MTHFD2L: variants seen among roughly 807,000 people sequenced by gnomAD.
MTHFD2L encodes methylenetetrahydrofolate dehydrogenase (NADP+ dependent) 2 like.
In MTHFD2L, 29 loss-of-function variants were observed where a neutral mutation model predicts 34.9. The observed-to-expected ratio is 0.83, with a 90% CI of 0.62 to 1.13. The LOEUF is 1.13. MTHFD2L is among the 50% of genes most tolerant of loss of function. The pLI, the probability that MTHFD2L is intolerant of heterozygous loss-of-function variation, is 0.00. For synonymous variants in MTHFD2L, 167 were observed against 155.7 expected (o/e 1.07, Z -0.54); for missense variants, 481 against 446.5 (o/e 1.08, Z -0.70).
At chr4:74,170,059 G>A (rs1423344665) in intron 1 of MTHFD2L, among the ~76,000 whole-genome samples, 3 of 152,026 alleles carry the variant, frequency 2.0e-5, no homozygotes, top group African/African-American at 7.2e-5. Flanking sequence ...ATTTAAGCGA[G>A]AAAAAAATGC....
intron 6 of MTHFD2L, among the ~76,000 whole-genome samples, chr4:74,263,161 G>C (rs539245929): frequency 6.6e-6 from 1 of 151,708 alleles, no homozygotes; most frequent in African/African-American, 2.4e-5. Flanking sequence ...TTATTTCTAC[G>C]TTCTCTATTC....
intron 6 of MTHFD2L, among the ~76,000 whole-genome samples, chr4:74,239,810 T>A (rs1741438826): frequency 6.6e-6 from 1 of 152,198 alleles, no homozygotes; most frequent in African/African-American, 2.4e-5. Context: ...ATTGCAGTAA[T>A]GTTTTTGTTG....
chr4:74,181,729 T>C (rs1256838659), intron 3 of MTHFD2L: 1 of 152,162 alleles, frequency 6.6e-6, no homozygotes, highest in African/African-American at 2.4e-5. Flanking sequence ...TTCCAGTTTA[T>C]TCAAGGGAAT....
At chr4:74,128,246 T>A (rs1261872203) in intron 1 of MTHFD2L, among the ~76,000 whole-genome samples, 1 of 152,158 alleles carries the variant, frequency 6.6e-6, no homozygotes, top group Non-Finnish European at 1.5e-5. Flanking sequence ...TTTAGCTTTA[T>A]GTAATCTCAA....
chr4:74,272,643 G>T, intron 6 of MTHFD2L, among the ~76,000 whole-genome samples: 1 of 151,996 alleles, frequency 6.6e-6, no homozygotes, highest in Non-Finnish European at 1.5e-5. Context: ...TATCTGTAGG[G>T]GCCTGAATTT....
At chr4:74,155,530 T>C (rs1348999186), upstream of MTHFD2L, among the ~76,000 whole-genome samples, 3 of 152,146 alleles carry the variant, frequency 2.0e-5, 1 homozygote, top group South Asian at 4.1e-4. Flanking sequence ...CTAAATTGTG[T>C]AGTGAGAATT....
upstream of MTHFD2L, among the ~76,000 whole-genome samples, chr4:74,123,609 G>A (rs1721868526): frequency 1.3e-5 from 2 of 152,048 alleles, no homozygotes; most frequent in African/African-American, 4.8e-5. Flanking sequence ...ACCTTTGTGG[G>A]ACTCTTCAGC....
At chr4:74,126,144 T>C (rs2109788515) in intron 1 of MTHFD2L, among the ~76,000 whole-genome samples, 1 of 152,316 alleles carries the variant, frequency 6.6e-6, no homozygotes, top group Admixed American at 6.5e-5. Context: ...AGTCCTCACT[T>C]AACCTCATCA....
chr4:74,289,017 TTTAGTTGTTC>T (rs1748546235), intron 7 of MTHFD2L, among the ~76,000 whole-genome samples: 1 of 152,200 alleles, frequency 6.6e-6, no homozygotes, highest in African/African-American at 2.4e-5. Flanking sequence ...GGTTCATTCA[TTTAGTTGTTC>T]AATGCTATTG....
At chr4:74,189,485 CTTTTTTTTTTTTTT>C (rs55665552) in intron 3 of MTHFD2L, among the ~76,000 whole-genome samples, 2 of 119,824 alleles carry the variant, frequency 1.7e-5, no homozygotes, top group African/African-American at 8.1e-5. Flanking sequence ...GTTTTTCTTC[CTTTTTTTTTTTTTT>C]TTTTTTTTTT....
chr4:74,273,662 A>G lies in MTHFD2L; in HGVS notation c.806-7763A>G, dbSNP rs561697464. On this transcript the variant is annotated intron_variant, in intron 6 of 7. Coordinates refer to ENST00000325278, the MANE Select transcript of MTHFD2L (RefSeq NM_001144978.3). The stretch of plus-strand genomic sequence containing the variant: ...TAAGCCATTTAGAAAGATAATAAAT[A>G]TAAGAATTTGTGTTATGGTACAAAT... 3.3e-5 allele frequency among the ~76,000 whole-genome samples: 5 copies of G among 152,304 alleles called. No individual in the cohort carries two copies. The East Asian group carries it at 9.7e-4, about 29-fold the overall frequency.
At chr4:74,222,771 C>G (rs1357570142) in intron 5 of MTHFD2L, among the ~76,000 whole-genome samples, 1 of 152,030 alleles carries the variant, frequency 6.6e-6, no homozygotes, top group African/African-American at 2.4e-5. Flanking sequence ...TGAATTCTTG[C>G]ATTTTCAAAA....
At chr4:74,137,808 C>G (rs1723035715) in intron 1 of MTHFD2L, among the ~76,000 whole-genome samples, 1 of 152,010 alleles carries the variant, frequency 6.6e-6, no homozygotes, top group African/African-American at 2.4e-5. Context: ...TGTTCAGCAA[C>G]ATGGATGGAA....
At chr4:74,265,940 C>A (rs1252251151) in intron 6 of MTHFD2L, among the ~76,000 whole-genome samples, 3 of 152,120 alleles carry the variant, frequency 2.0e-5, no homozygotes, top group Non-Finnish European at 4.4e-5. Context: ...AAACAAAGCA[C>A]CATTTAATTT....
intron 5 of MTHFD2L, among the ~76,000 whole-genome samples, chr4:74,211,442 C>G (rs1736306303): frequency 6.6e-6 from 1 of 152,118 alleles, no homozygotes; most frequent in Non-Finnish European, 1.5e-5. Flanking sequence ...TTGAGATAAT[C>G]ATGTGGTTTT....
chr4:74,225,243 G>A (rs1256256086), intron 5 of MTHFD2L, 59 bp from the exon 6 acceptor site: 10 of 1,262,564 alleles, frequency 7.9e-6, no homozygotes, highest in South Asian at 1.3e-5. Flanking sequence ...TGGATTTAGA[G>A]CATTTATAAA....
At chr4:74,120,414 T>C (rs1721734095), upstream of MTHFD2L, among the ~76,000 whole-genome samples, 1 of 152,218 alleles carries the variant, frequency 6.6e-6, no homozygotes, top group Non-Finnish European at 1.5e-5. Flanking sequence ...TGTTGCCAAC[T>C]AATACCATAG....
intron 3 of MTHFD2L, among the ~76,000 whole-genome samples, chr4:74,185,703 A>G (rs1196228494): frequency 6.6e-6 from 1 of 152,198 alleles, no homozygotes; most frequent in East Asian, 1.9e-4. Context: ...CTTGAAAGAT[A>G]TACATTACCA....
At chr4:74,154,870 T>C (rs886742375), upstream of MTHFD2L, among the ~76,000 whole-genome samples, 2 of 152,170 alleles carry the variant, frequency 1.3e-5, no homozygotes, top group African/African-American at 4.8e-5. Flanking sequence ...TGAATATTCA[T>C]ACATCTATAA....
Sources: allele counts gnomAD v4.1 joint callset (sites outside exome capture counted in the v4.1 genomes callset), GRCh38; gene constraint gnomAD v4.1.1; transcripts MANE v1.5; gene names NCBI Gene and HGNC (gene_info 2026-07-23, HGNC 2026-07-21).